RNF17: variants seen among roughly 807,000 people sequenced by gnomAD.
RNF17 encodes the protein spermatogenesis associated 23.
Under a neutral mutation model 200.5 loss-of-function variants are expected in RNF17, and 31 were observed. The ratio of observed to expected loss-of-function variants is 0.15; its 90% CI spans 0.12 to 0.21. RNF17 has a LOEUF of 0.21. Ranked by LOEUF, RNF17 falls within the 10% of genes least tolerant of loss-of-function variation. The pLI is 1.00. For synonymous variants in RNF17, 606 were observed against 637.8 expected (o/e 0.95, Z 0.75); for missense variants, 1,628 against 1,905.1 (o/e 0.85, Z 2.71).
At chr13:24,773,022 A>G (rs970062921) in intron 2 of RNF17, among the ~76,000 whole-genome samples, 1 of 152,204 alleles carries the variant, frequency 6.6e-6, no homozygotes, top group Non-Finnish European at 1.5e-5. Flanking sequence ...ACCATCTCAC[A>G]TCAGAATGTC....
chr13:24,792,270 G>A (rs993336112), intron 9 of RNF17, among the ~76,000 whole-genome samples: 8 of 152,168 alleles, frequency 5.3e-5, no homozygotes, highest in African/African-American at 1.7e-4. Context: ...CTAGTTTTTA[G>A]GGAAAGTATT....
Position 24,870,603 on chromosome 13 carries a change from T to C in RNF17, c.4311T>C (p.Ser1437=). 1.2e-6 allele frequency: 2 copies of C among 1,613,888 alleles called. No individual in the cohort carries two copies. Among genetic ancestry groups the C allele is most frequent in the Non-Finnish European group, 1.7e-6 (2 of 1,179,888 alleles). Residue 1437 remains serine, a synonymous_variant, in exon 32 of 36, where the codon TCT becomes TCC. Coordinates refer to ENST00000255324, the MANE Select transcript of RNF17 (RefSeq NM_031277.3). ...TTTGCCTTGATTCTATAGAAACTTCTAACCAGTCTAACCAGCATAGTGACA... is the reference window on the plus strand; with the variant it reads ...TTTGCCTTGATTCTATAGAAACTTCCAACCAGTCTAACCAGCATAGTGACA... ...VYICLDSIET[S]NQSNQHSDTD...
chr13:24,879,017 AATGGG>A (rs1895154878), intron 34 of RNF17, among the ~76,000 whole-genome samples, 165 bp from the exon 35 acceptor site: 1 of 151,636 alleles, frequency 6.6e-6, no homozygotes, highest in African/African-American at 2.4e-5. Flanking sequence ...GAATGGAAAG[AATGGG>A]ATTTTGCAGG....
chr13:24,796,018 T>C (rs1884525808), intron 10 of RNF17, 119 bp from the exon 11 acceptor site: 5 of 614,322 alleles, frequency 8.1e-6, no homozygotes, highest in African/African-American at 1.9e-5. Context: ...CGACGTGCGA[T>C]ATTCCCAGAG....
At chr13:24,867,397 G>GT (rs984297052) in intron 30 of RNF17, among the ~76,000 whole-genome samples, 16 of 151,918 alleles carry the variant, frequency 1.1e-4, no homozygotes, top group Admixed American at 5.2e-4. Flanking sequence ...CAATTTATCT[G>GT]TTTTTTTTCT....
chr13:24,814,114 T>C (rs950534108), intron 15 of RNF17, among the ~76,000 whole-genome samples: 4 of 152,166 alleles, frequency 2.6e-5, no homozygotes, highest in Non-Finnish European at 5.9e-5. Context: ...TTATTAAAAA[T>C]CATAAAGAGA....
chr13:24,857,562 A>G (rs948254190), intron 25 of RNF17, among the ~76,000 whole-genome samples: 1 of 152,138 alleles, frequency 6.6e-6, no homozygotes, highest in Non-Finnish European at 1.5e-5. Flanking sequence ...AGCGTTTCCA[A>G]GTTTGTAAGA....
At chr13:24,876,228 A>G (rs1007363335) in intron 33 of RNF17, among the ~76,000 whole-genome samples, 10 of 152,244 alleles carry the variant, frequency 6.6e-5, no homozygotes, top group African/African-American at 2.4e-4. Context: ...ATGTTGAGAA[A>G]TAAAGTTTAC....
chr13:24,838,041 C>G (rs981576287), intron 18 of RNF17, among the ~76,000 whole-genome samples: 2 of 152,072 alleles, frequency 1.3e-5, no homozygotes, highest in Non-Finnish European at 2.9e-5. Flanking sequence ...TACAAAAGAT[C>G]ATTCAAGGCT....
intron 15 of RNF17, among the ~76,000 whole-genome samples, chr13:24,821,685 TTTTTA>T (rs1267099578): frequency 6.6e-6 from 1 of 152,214 alleles, no homozygotes; most frequent in Non-Finnish European, 1.5e-5. Context: ...CAGAATTTCC[TTTTTA>T]TAATTTGTAT....
At chr13:24,788,208 A>G in intron 7 of RNF17, 49 bp downstream of exon 7, 1 of 1,381,536 alleles carries the variant, frequency 7.2e-7, no homozygotes, top group Middle Eastern at 1.8e-4. Context: ...AGCTTATTTT[A>G]CATGCTTTGG....
chr13:24,842,316 A>C (rs1593403894), intron 19 of RNF17, among the ~76,000 whole-genome samples, 155 bp downstream of exon 19: 1 of 152,286 alleles, frequency 6.6e-6, no homozygotes, highest in East Asian at 1.9e-4. Flanking sequence ...AATAGAAAAT[A>C]ACTGGAGTCA....
intron 18 of RNF17, among the ~76,000 whole-genome samples, chr13:24,837,340 G>T (rs1186460247): frequency 6.6e-6 from 1 of 151,946 alleles, no homozygotes; most frequent in African/African-American, 2.4e-5. Context: ...CAAAGAAACT[G>T]GATTTAAACT....
chr13:24,749,392 C>T, the RNF17 span, among the ~76,000 whole-genome samples: 6 of 146,018 alleles, frequency 4.1e-5, no homozygotes, highest in Non-Finnish European at 8.9e-5. Flanking sequence ...GCAACCTCCC[C>T]TCCCGGGTTC....
rs564896400 is a variant in RNF17, at chr13:24,812,802, C to T, written c.2091+8373C>T. Among the ~76,000 whole-genome samples the T allele has an allele frequency of 3.3e-5, 5 of 151,976 alleles. No homozygotes were observed. The East Asian group carries it at 9.8e-4, about 30-fold the overall frequency. Reference sequence around the variant, plus strand: ...GTTCACGCCATTCTCATGCCTCAGCCTCCCAAGTAGCTGGGACTACGGGTG... The same window carrying T: ...GTTCACGCCATTCTCATGCCTCAGCTTCCCAAGTAGCTGGGACTACGGGTG... On this transcript the variant is annotated intron_variant, in intron 15 of 35. Coordinates refer to ENST00000255324, the MANE Select transcript of RNF17 (RefSeq NM_031277.3).
downstream of RNF17, chr13:24,884,534 C>A (rs1953955489): frequency 2.0e-6 from 3 of 1,483,514 alleles, no homozygotes; most frequent in Non-Finnish European, 2.8e-6. Flanking sequence ...CTCCTCCCAA[C>A]TGCCTACTTT....
At chr13:24,794,449 G>C (rs1052663912) in intron 10 of RNF17, among the ~76,000 whole-genome samples, 8 of 152,110 alleles carry the variant, frequency 5.3e-5, no homozygotes, top group African/African-American at 2.4e-5. Context: ...CGAGGCACAT[G>C]GATGATTTGA....
intron 28 of RNF17, among the ~76,000 whole-genome samples, chr13:24,864,238 T>C (rs1056181418): frequency 2.6e-5 from 4 of 152,048 alleles, no homozygotes; most frequent in African/African-American, 4.8e-5. Context: ...GGGGACTGCA[T>C]TGGCAGAAGA....
At chr13:24,823,518 A>G (rs1303047745) in intron 15 of RNF17, among the ~76,000 whole-genome samples, 2 of 152,192 alleles carry the variant, frequency 1.3e-5, no homozygotes, top group Admixed American at 6.5e-5. Flanking sequence ...AGTTCCTTGA[A>G]TGTCAGGAGC....
Sources: allele counts gnomAD v4.1 joint callset (sites outside exome capture counted in the v4.1 genomes callset), GRCh38; gene constraint gnomAD v4.1.1; transcripts MANE v1.5; gene names NCBI Gene and HGNC (gene_info 2026-07-23, HGNC 2026-07-21).